The following SHQ1 variants were observed in gnomAD, a reference collection of about 807,000 sequenced individuals.
SHQ1 encodes protein SHQ1 homolog.
Under a neutral mutation model 53.8 loss-of-function variants are expected in SHQ1, and 49 were observed. The ratio of observed to expected loss-of-function variants is 0.91; its 90% CI spans 0.72 to 1.16. The LOEUF (loss-of-function observed/expected upper bound fraction) is 1.16, where lower values mean the gene tolerates loss of function less well. Among genes scored for constraint, SHQ1 ranks in the 50% most tolerant of loss-of-function variants. SHQ1 has a pLI of 0.00. For synonymous variants in SHQ1, 243 were observed against 251.0 expected (o/e 0.97, Z 0.30); for missense variants, 738 against 683.1 (o/e 1.08, Z -0.90).
At chr3:72,837,133 T>G (rs1181102276) in intron 4 of SHQ1, among the ~76,000 whole-genome samples, 2 of 152,024 alleles carry the variant, frequency 1.3e-5, no homozygotes, top group African/African-American at 4.8e-5. Flanking sequence ...AGAAGCTTGT[T>G]GTGAAGTCCT....
At chr3:72,829,148 G>T (rs534192766) in intron 5 of SHQ1, among the ~76,000 whole-genome samples, 10 of 152,230 alleles carry the variant, frequency 6.6e-5, no homozygotes, top group African/African-American at 2.2e-4. Context: ...TTCTAACCTG[G>T]GTGAATAGAG....
chr3:72,766,726 G>A (rs1035715648), intron 10 of SHQ1, among the ~76,000 whole-genome samples: 3 of 152,126 alleles, frequency 2.0e-5, no homozygotes, highest in Admixed American at 6.5e-5. Context: ...CAGGTCTGCC[G>A]GTGAAGGGAG....
intron 1 of SHQ1, among the ~76,000 whole-genome samples, chr3:72,846,775 G>T (rs530957275): frequency 6.6e-6 from 1 of 152,292 alleles, no homozygotes; most frequent in South Asian, 2.1e-4. Context: ...AGTTGGGGGG[G>T]TGCCCACAAA....
At chr3:72,803,420 C>G (rs1706851431) in intron 9 of SHQ1, among the ~76,000 whole-genome samples, 1 of 152,160 alleles carries the variant, frequency 6.6e-6, no homozygotes, top group African/African-American at 2.4e-5. Flanking sequence ...TCTCAGTTTG[C>G]TTCTCCTAAT....
At chr3:72,733,442 A>C in the SHQ1 span, among the ~76,000 whole-genome samples, 4 of 151,642 alleles carry the variant, frequency 2.6e-5, no homozygotes, top group East Asian at 1.9e-4. Context: ...ATGAAAAAAA[A>C]CCAAATTCTC....
At chr3:72,846,451 A>G in intron 1 of SHQ1, 1 of 693,418 alleles carries the variant, frequency 1.4e-6, no homozygotes, top group Non-Finnish European at 2.3e-6. Flanking sequence ...GCGTGCCATC[A>G]AGCCCAGATA....
At chr3:72,788,093 G>C (rs1183388812) in intron 10 of SHQ1, among the ~76,000 whole-genome samples, 1 of 152,172 alleles carries the variant, frequency 6.6e-6, no homozygotes, top group East Asian at 1.9e-4. Context: ...GCCTGCCTTG[G>C]CCTCCCAAAG....
chr3:72,783,592 G>A lies in SHQ1; in HGVS notation c.1181+9324C>T, dbSNP rs1706137369. ...GCCTCCCAAAGTGATGGGATTATAG[G>A]CATGAGCCAGCATGCCCAGCCCTAA... On this transcript the variant is annotated intron_variant, in intron 10 of 10. Coordinates refer to ENST00000325599, the MANE Select transcript of SHQ1 (RefSeq NM_018130.3). Among the ~76,000 whole-genome samples the A allele has an allele frequency of 2.0e-5, 3 of 151,982 alleles. No individual in the cohort carries two copies. The South Asian group carries it at 6.2e-4, about 32-fold the overall frequency.
intron 9 of SHQ1, among the ~76,000 whole-genome samples, chr3:72,810,867 C>T (rs111808928): frequency 3.9e-5 from 6 of 152,324 alleles, no homozygotes; most frequent in African/African-American, 1.4e-4. Flanking sequence ...ACAGAACACA[C>T]TGTACATGGT....
At chr3:72,814,484 G>A (rs1328221360) in intron 8 of SHQ1, 1 of 152,092 alleles carries the variant, frequency 6.6e-6, no homozygotes, top group East Asian at 1.9e-4. Context: ...TCAGGTTGTT[G>A]GTCCTTGAAT....
chr3:72,807,353 C>A (rs1303040438), intron 9 of SHQ1, among the ~76,000 whole-genome samples: 2 of 152,154 alleles, frequency 1.3e-5, no homozygotes, highest in Non-Finnish European at 2.9e-5. Context: ...CTTCAGGATC[C>A]AGCTCAGCAG....
At chr3:72,809,895 G>C (rs1320440046) in intron 9 of SHQ1, 1 of 151,484 alleles carries the variant, frequency 6.6e-6, no homozygotes, top group Non-Finnish European at 1.5e-5. Flanking sequence ...GGAAGCGGAG[G>C]TTGCAGTGAG....
chr3:72,807,231 T>A (rs1346428948), intron 9 of SHQ1, among the ~76,000 whole-genome samples: 1 of 152,214 alleles, frequency 6.6e-6, no homozygotes, highest in Non-Finnish European at 1.5e-5. Flanking sequence ...CCCTGGCTTA[T>A]ATTTTCACTC....
In SHQ1 at chr3:72,848,253, C is replaced by A. The variant is rs1034820946; in HGVS notation, c.88G>T (p.Asp30Tyr). Residue 30 changes from aspartate to tyrosine, a missense_variant, in exon 1 of 11, where the codon GAC becomes TAC. By Grantham distance (160) the Asp-to-Tyr change is radical. Transcript: ENST00000325599. ...RVPYARVSEF[D>Y]VYFEGSDFKF... ...AAGTCAGACCCCTCGAAGTAGACGT[C>A]GAACTCGGAGACCCGGGCGTAGGGC... The A allele has an allele frequency of 6.2e-7, 1 of 1,614,198 alleles. No homozygotes were observed. Among genetic ancestry groups the A allele is most frequent in the African/African-American group, 1.3e-5 (1 of 75,056 alleles).
At chr3:72,823,843 T>C (rs1319498751) in intron 6 of SHQ1, among the ~76,000 whole-genome samples, 5 of 152,228 alleles carry the variant, frequency 3.3e-5, no homozygotes, top group Admixed American at 3.3e-4. Context: ...ATGTATTCTT[T>C]CCATTTAAAC....
intron 8 of SHQ1, chr3:72,814,671 A>T (rs1707251379): frequency 6.6e-6 from 1 of 152,154 alleles, no homozygotes; most frequent in African/African-American, 2.4e-5. Context: ...TCTGCTTTTA[A>T]TTACTGTTTT....
chr3:72,826,289 C>T (rs1707653480), intron 5 of SHQ1, among the ~76,000 whole-genome samples: 1 of 152,192 alleles, frequency 6.6e-6, no homozygotes, highest in East Asian at 1.9e-4. Context: ...CCTGCTAAGC[C>T]TATTTTCTTA....
chr3:72,820,591 C>G (rs1479693153), intron 6 of SHQ1, among the ~76,000 whole-genome samples: 2 of 152,146 alleles, frequency 1.3e-5, no homozygotes, highest in African/African-American at 4.8e-5. Context: ...TGCACACAAT[C>G]AAGTCTAACC....
chr3:72,738,102 T>C, the SHQ1 span, among the ~76,000 whole-genome samples: 2,644 of 152,208 alleles, frequency 0.017, 79 homozygotes, highest in African/African-American at 0.061. Context: ...CACCCCACCC[T>C]AACGTCCCTC....
Sources: allele counts gnomAD v4.1 joint callset (sites outside exome capture counted in the v4.1 genomes callset), GRCh38; gene constraint gnomAD v4.1.1; transcripts MANE v1.5; gene names NCBI Gene and HGNC (gene_info 2026-07-23, HGNC 2026-07-21).